SLIT1: variants seen among roughly 807,000 people sequenced by gnomAD.
The protein encoded by SLIT1 is slit homolog 1 protein.
SLIT1 carries 66 observed loss-of-function variants against 186.1 expected under a neutral mutation model. The ratio of observed to expected loss-of-function variants is 0.35; its 90% CI spans 0.29 to 0.44. SLIT1 has a LOEUF of 0.44. Among genes scored for constraint, SLIT1 ranks in the 20% least tolerant of loss-of-function variants. The pLI is 1.00. For synonymous variants in SLIT1, 761 were observed against 833.8 expected, an observed-to-expected ratio of 0.91 and a Z score of 1.50; for missense variants, 1,638 against 2,037.4, an observed-to-expected ratio of 0.80 and a Z score of 3.77.
At chr10:97,070,151 T>C (rs1045070439) in intron 4 of SLIT1, among the ~76,000 whole-genome samples, 2 of 152,158 alleles carry the variant, frequency 1.3e-5, no homozygotes, top group Admixed American at 1.3e-4. Flanking sequence ...CCCCCCAACA[T>C]TGTGATGCAA....
intron 4 of SLIT1, among the ~76,000 whole-genome samples, chr10:97,098,728 A>G (rs1030108657): frequency 6.6e-6 from 1 of 152,140 alleles, no homozygotes; most frequent in African/African-American, 2.4e-5. Flanking sequence ...ACCAAGTAGG[A>G]TGTCTGGAAG....
rs116120477 is a variant in SLIT1 at position 97,141,526 on chromosome 10, C to T, written c.413+16292G>A. On this transcript the variant is annotated intron_variant, in intron 4 of 36. Coordinates refer to ENST00000266058, the MANE Select transcript of SLIT1 (RefSeq NM_003061.3). ...ACAGATCCTGGTTCTGAACACTGTT[C>T]TCTGGATATGCTTGAATCAGCACAG... 3.5e-3 allele frequency among the ~76,000 whole-genome samples: 530 copies of T among 152,300 alleles called. 3 individuals are homozygous for T. Among genetic ancestry groups the T allele is most frequent in the African/African-American group, 0.012 (504 of 41,554 alleles).
intron 4 of SLIT1, among the ~76,000 whole-genome samples, chr10:97,071,887 T>C (rs1189162158): frequency 6.6e-6 from 1 of 152,214 alleles, no homozygotes; most frequent in Non-Finnish European, 1.5e-5. Flanking sequence ...GGTTTGAGTG[T>C]CTGTTTCTTA....
chr10:97,152,423 G>C (rs1460820424), intron 4 of SLIT1, among the ~76,000 whole-genome samples: 2 of 149,540 alleles, frequency 1.3e-5, no homozygotes, highest in Non-Finnish European at 3.0e-5. Flanking sequence ...ACCCTCCGAA[G>C]TAGCCCTGAT....
At chr10:97,105,439 G>T (rs973034504) in intron 4 of SLIT1, among the ~76,000 whole-genome samples, 3 of 152,152 alleles carry the variant, frequency 2.0e-5, no homozygotes, top group African/African-American at 7.2e-5. Flanking sequence ...AGATGAAAGG[G>T]AACCCAAGGC....
At chr10:97,171,959 G>A (rs117494262) in intron 1 of SLIT1, among the ~76,000 whole-genome samples, 1,993 of 151,786 alleles carry the variant, frequency 0.013, 16 homozygotes, top group Non-Finnish European at 0.02. Context: ...CTTTGCCTAC[G>A]AACTCCAATT....
chr10:97,099,289 G>A (rs1179329267), intron 4 of SLIT1, among the ~76,000 whole-genome samples: 4 of 152,192 alleles, frequency 2.6e-5, no homozygotes, highest in Non-Finnish European at 5.9e-5. Flanking sequence ...ATCTCAGGAA[G>A]AGTCCCAAGG....
rs5787219 is a variant in SLIT1 at position 97,123,789 on chromosome 10, GAA to G, written c.413+34027_413+34028del. ...TAGGCGACAGGGTGAGACTCTGTCT[GAA>G]AAAAAAAAAAAAAACTGGAGACAGA... On this transcript the variant is annotated intron_variant, in intron 4 of 36. Transcript: ENST00000266058. Among the ~76,000 whole-genome samples, 264 of 134,518 alleles carry G rather than the reference GAA, an allele frequency of 2.0e-3. 3 individuals are homozygous for G. Among genetic ancestry groups the G allele is most frequent in the African/African-American group, 6.1e-3 (217 of 35,344 alleles). 88.2% of individuals were successfully genotyped at this position (134,518 alleles called of 152,430 possible).
At position 97,011,027 on chromosome 10, in the gene SLIT1, T is replaced by C; in HGVS notation, c.3307A>G (p.Asn1103Asp). ...TCAGCACAGAGGCAGGAGTAGCTGT[T>C]GACTTCATCCATACACTGGGCCCCA... is the stretch of plus-strand genomic sequence containing the variant. ...QNGAQCMDEV[N>D]SYSCLCAEGY... The change falls in exon 31 of 37, where the codon AAC becomes GAC. Residue 1103 changes from asparagine (N) to aspartate (D), a missense_variant. Asn to Asp is a conservative substitution (Grantham distance 23). Around this residue, in one of 3 missense-constraint regions of SLIT1, gnomAD observed 1,245 missense variants for 1,535.3 expected, o/e 0.81. Transcript: ENST00000266058. 1.2e-6 allele frequency: 2 copies of C among 1,614,116 alleles called. No individual in the cohort carries two copies. Among genetic ancestry groups the C allele is most frequent in the Non-Finnish European group, 1.7e-6 (2 of 1,179,968 alleles).
chr10:97,122,788 C>T (rs1198328609), intron 4 of SLIT1, among the ~76,000 whole-genome samples: 2 of 152,108 alleles, frequency 1.3e-5, no homozygotes, highest in Non-Finnish European at 2.9e-5. Flanking sequence ...CCAGTGCCAG[C>T]AAACTAGATC....
At position 96,998,134 on chromosome 10, in the gene SLIT1, G is replaced by T. The variant is rs556223905; in HGVS notation, c.*2978C>A. 1 of 152,310 alleles carries T rather than the reference G, an allele frequency of 6.6e-6. No homozygotes were observed. Among genetic ancestry groups the T allele is most frequent in the South Asian group, 2.1e-4 (1 of 4,818 alleles). The allele number at this position is 152,310 out of a possible 1,614,324, so 9.4% of individuals were successfully genotyped here. A position where few individuals can be genotyped will look rare whatever the true frequency, so the allele number is the denominator to read the frequency against. ...CAGGGCAGGTGCAGCTCCCTCATGG[G>T]CCTGTTCTAAACCAGCCTCTAGGAG... On this transcript the variant is annotated 3_prime_UTR_variant, in exon 37 of 37. Transcript: ENST00000266058.
intron 16 of SLIT1, 64 bp from the exon 17 acceptor site, chr10:97,047,129 C>A: frequency 2.7e-6 from 3 of 1,104,354 alleles, no homozygotes; most frequent in Non-Finnish European, 4.1e-6. Flanking sequence ...CCCTTCCAAA[C>A]TGAGAATATT....
chr10:97,004,752 G>T lies in SLIT1; in HGVS notation c.3651C>A (p.Tyr1217Ter). ...CGTAGCTGACACGCACATGGCCCTGGTACAGCTCAACTGCAATGTGGTCGT... is the reference window on the plus strand; with the variant it reads ...CGTAGCTGACACGCACATGGCCCTGTTACAGCTCAACTGCAATGTGGTCGT... ...GDNDHIAVEL[Y>*]QGHVRVSYDP... is the part of the protein sequence containing the mutation. The change falls in exon 33 of 37, where the codon TAC becomes TAA. Residue 1217 changes from tyrosine to a stop codon, truncating the protein, a stop_gained. Coordinates refer to ENST00000266058, the MANE Select transcript of SLIT1 (RefSeq NM_003061.3). LOFTEE classifies it high-confidence loss of function. The surrounding 1 kb of genome is among the most constrained non-coding windows in gnomAD (Gnocchi z 5.1). The T allele has an allele frequency of 6.2e-7, 1 of 1,614,146 alleles. No individual in the cohort carries two copies. Among genetic ancestry groups the T allele is most frequent in the Non-Finnish European group, 8.5e-7 (1 of 1,179,994 alleles).
rs927559584 is a variant in SLIT1, at chr10:97,068,617, C to T, written c.414-2531G>A. Among the ~76,000 whole-genome samples the T allele has an allele frequency of 2.0e-5, 3 of 152,196 alleles. No homozygotes were observed. The highest frequency in any genetic ancestry group is 6.5e-5 in the Admixed American group (1 of 15,272). ...AGCACAGACACAGCTGTCCCTCCTC[C>T]AGAGCCGTCCCACCTGCTATCCCTG... On this transcript the variant is annotated intron_variant, in intron 4 of 36. Transcript: ENST00000266058. This position sits in a 1 kb window ranked among gnomAD's most constrained non-coding sequence, Gnocchi z 4.2.
In SLIT1 at chr10:97,018,657, G is replaced by A; in HGVS notation, c.2898C>T (p.Asp966=). Residue 966 remains aspartate, a synonymous_variant, in exon 28 of 37, where the codon GAC becomes GAT. Transcript: ENST00000266058. ...YKGRDCEVSL[D]SCSSGPCENG... is the part of the protein sequence containing the mutation. The stretch of plus-strand genomic sequence containing the variant: ...TTTCACAGGGGCCACTGGAACAGCT[G>A]TCCAGGGACACCTCACAGTCTCGAC... The A allele has an allele frequency of 6.3e-7, 1 of 1,592,522 alleles. No homozygotes were observed. The highest frequency in any genetic ancestry group is 8.6e-7 in the Non-Finnish European group (1 of 1,169,584).
chr10:97,002,898 G>T lies in SLIT1; in HGVS notation c.3960C>A (p.Asn1320Lys), dbSNP rs776925434. 1 of 1,614,256 alleles carries T rather than the reference G, an allele frequency of 6.2e-7. No individual in the cohort carries two copies. The highest frequency in any genetic ancestry group is 1.1e-5 in the South Asian group (1 of 91,090). ...FHGCIRNLYI[N>K]NELQDFTKTQ... ...TCTTGGTGAAGTCCTGCAGCTCGTT[G>T]TTGATGTACAGGTTTCGGATGCAAC... Residue 1320 changes from asparagine to lysine, a missense_variant, in exon 35 of 37, where the codon AAC (asparagine) becomes AAA (lysine). Asn to Lys is a moderately conservative substitution (Grantham distance 94). This residue lies in a region of SLIT1 where 173 missense variants were observed against 290.9 expected (regional missense o/e 0.59). Transcript: ENST00000266058.
chr10:97,158,468 C>A (rs933750220), intron 3 of SLIT1, among the ~76,000 whole-genome samples: 2 of 152,008 alleles, frequency 1.3e-5, no homozygotes, highest in Non-Finnish European at 2.9e-5. Flanking sequence ...TCGAGGCCAG[C>A]CTGGCCAACA....
At chr10:97,133,895 C>T (rs1432729260) in intron 4 of SLIT1, among the ~76,000 whole-genome samples, 5 of 152,136 alleles carry the variant, frequency 3.3e-5, no homozygotes, top group Non-Finnish European at 7.4e-5. Context: ...CCGTCTTGTC[C>T]CCTGGGTCAC....
At chr10:97,105,538 A>G (rs1849405098) in intron 4 of SLIT1, among the ~76,000 whole-genome samples, 1 of 152,174 alleles carries the variant, frequency 6.6e-6, no homozygotes, top group Non-Finnish European at 1.5e-5. Context: ...GAGAACATAA[A>G]TCACCATCCC....
Sources: allele counts gnomAD v4.1 joint callset (sites outside exome capture counted in the v4.1 genomes callset), GRCh38; gene constraint gnomAD v4.1.1; regional missense constraint gnomAD v4.1.1; non-coding constraint Gnocchi (gnomAD v3.1); transcripts MANE v1.5; gene names NCBI Gene and HGNC (gene_info 2026-07-23, HGNC 2026-07-21).